The following PPP2R2D variants were observed in gnomAD, a reference collection of about 807,000 sequenced individuals.
PPP2R2D encodes the protein serine/threonine-protein phosphatase 2A 55 kDa regulatory subunit B delta isoform.
Under a neutral mutation model 31.1 loss-of-function variants are expected in PPP2R2D, and 9 were observed. That is an observed-to-expected ratio of 0.29 (90% CI 0.17 to 0.51). The LOEUF (loss-of-function observed/expected upper bound fraction) is 0.51, where lower values mean the gene tolerates loss of function less well. Ranked by LOEUF, PPP2R2D falls within the 20% of genes least tolerant of loss-of-function variation. The pLI, the probability that PPP2R2D is intolerant of heterozygous loss-of-function variation, is 0.98. For missense variants in PPP2R2D, 391 were observed against 465.6 expected (o/e 0.84, Z 1.48); for synonymous variants, 179 against 172.6 (o/e 1.04, Z -0.29).
intron 2 of PPP2R2D, among the ~76,000 whole-genome samples, chr10:131,911,158 G>A (rs1363909505): frequency 2.0e-5 from 3 of 152,170 alleles, no homozygotes; most frequent in African/African-American, 7.2e-5. Flanking sequence ...TCTCGAAGTG[G>A]GGGGCAGTCT....
the PPP2R2D span, chr10:131,970,574 T>C: frequency 6.4e-7 from 1 of 1,568,754 alleles, no homozygotes; most frequent in Non-Finnish European, 8.7e-7. The surrounding 1 kb of genome is among the most constrained non-coding windows in gnomAD (Gnocchi z 4.1). Flanking sequence ...TACGAATAAA[T>C]CACTGCAACC....
At chr10:131,950,200 G>A (rs182228084) in intron 8 of PPP2R2D, among the ~76,000 whole-genome samples, 1 of 152,308 alleles carries the variant, frequency 6.6e-6, no homozygotes, top group African/African-American at 2.4e-5. Flanking sequence ...GAAAACAAGA[G>A]ACACTAGGAA....
At chr10:131,938,721 G>T (rs782597057) in intron 3 of PPP2R2D, among the ~76,000 whole-genome samples, 5 of 152,246 alleles carry the variant, frequency 3.3e-5, no homozygotes, top group African/African-American at 7.2e-5. Context: ...GCACTGTGCG[G>T]TTGTCTGTGC....
chr10:131,904,071 G>T (rs1269581804), intron 2 of PPP2R2D, among the ~76,000 whole-genome samples: 2 of 152,186 alleles, frequency 1.3e-5, no homozygotes, highest in Non-Finnish European at 2.9e-5. Flanking sequence ...AGGCGTGGCA[G>T]GGCCGGCCTG....
chr10:131,928,708 A>G (rs1554895271), intron 2 of PPP2R2D, among the ~76,000 whole-genome samples: 1 of 152,174 alleles, frequency 6.6e-6, no homozygotes, highest in Non-Finnish European at 1.5e-5. Context: ...AGATCCAGAG[A>G]AGTAGAGAAG....
At chr10:131,964,666 GTTTT>G (rs60096905), downstream of PPP2R2D, among the ~76,000 whole-genome samples, 2 of 133,798 alleles carry the variant, frequency 1.5e-5, no homozygotes. Context: ...AGTTTACTAT[GTTTT>G]TTTTTTTTTT....
rs1201576473 is a variant in PPP2R2D, at chr10:131,947,222, C to T, written c.821-308C>T. 6.6e-6 allele frequency among the ~76,000 whole-genome samples: 1 copy of T among 152,182 alleles called. No individual in the cohort carries two copies. The highest frequency in any genetic ancestry group is 1.5e-5 in the Non-Finnish European group (1 of 68,042). ...ACATCAGGATGCCCCGAGGAGCTCC[C>T]ACAGATGGCAGTGCCCAGGACCTTG... On this transcript the variant is annotated intron_variant, in intron 7 of 8. Transcript: ENST00000455566. The surrounding 1 kb of genome is among the most constrained non-coding windows in gnomAD (Gnocchi z 4.3).
intron 8 of PPP2R2D, among the ~76,000 whole-genome samples, chr10:131,948,399 A>G (rs1225872806): frequency 3.9e-5 from 6 of 152,170 alleles, no homozygotes; most frequent in African/African-American, 1.2e-4. Context: ...GTCTTGCACC[A>G]TTTTTATATA....
chr10:131,929,302 G>C (rs1554895355), intron 2 of PPP2R2D, among the ~76,000 whole-genome samples: 1 of 152,228 alleles, frequency 6.6e-6, no homozygotes, highest in Non-Finnish European at 1.5e-5. Context: ...GCCATCGTGG[G>C]AACTGTGCTG....
At chr10:131,901,594 T>A (rs2035497585) in intron 2 of PPP2R2D, among the ~76,000 whole-genome samples, 1 of 152,122 alleles carries the variant, frequency 6.6e-6, no homozygotes, top group South Asian at 2.1e-4. Context: ...GGCCGGGTCC[T>A]CCGAACCCAG....
In PPP2R2D at chr10:131,945,414, C is replaced by T; in HGVS notation, c.775C>T (p.Leu259=). 6.2e-7 allele frequency: 1 copy of T among 1,614,172 alleles called. No individual in the cohort carries two copies. The highest frequency in any genetic ancestry group is 2.2e-5 in the East Asian group (1 of 44,888). Residue 259 remains leucine (L), a synonymous_variant, in exon 7 of 9, where the codon CTG becomes TTG. Transcript: ENST00000455566. This position sits in a 1 kb window ranked among gnomAD's most constrained non-coding sequence, Gnocchi z 4.8. ...VYSSSKGTIR[L]CDMRSSALCD... is the part of the protein sequence containing the mutation. ...CAGCAGTAGCAAAGGGACCATCCGC[C>T]TGTGTGACATGCGCTCCTCGGCCCT...
chr10:131,956,641 C>A lies in PPP2R2D; in HGVS notation c.*678C>A. On this transcript the variant is annotated 3_prime_UTR_variant, in exon 9 of 9. Transcript: ENST00000455566. ...AACTAACTGTTTGAGAAATGTGTGT[C>A]CTTCTTTGGCAGCGTGGGGGTATGT... The A allele has an allele frequency of 1.2e-6, 1 of 865,064 alleles. No homozygotes were observed. Among genetic ancestry groups the A allele is most frequent in the Non-Finnish European group, 1.4e-6 (1 of 720,328 alleles). The allele number at this position is 865,064 out of a possible 1,614,324, so 53.6% of individuals were successfully genotyped here.
chr10:131,952,299 T>C (rs2036660270), intron 8 of PPP2R2D, among the ~76,000 whole-genome samples: 1 of 96,260 alleles, frequency 1.0e-5, no homozygotes, highest in Non-Finnish European at 2.0e-5. Flanking sequence ...ACTGTCTTAG[T>C]GACTTGCGGG....
chr10:131,907,765 A>C (rs1246366061), intron 2 of PPP2R2D, among the ~76,000 whole-genome samples: 1 of 151,692 alleles, frequency 6.6e-6, no homozygotes, highest in Admixed American at 6.6e-5. Flanking sequence ...AAAAAGATTC[A>C]CAGACTCATC....
intron 2 of PPP2R2D, among the ~76,000 whole-genome samples, chr10:131,931,691 G>A (rs192327327): frequency 4.5e-3 from 693 of 152,346 alleles, no homozygotes; most frequent in African/African-American, 8.1e-3. Flanking sequence ...TCTGCAGGTC[G>A]TGGCTGTTGG....
At chr10:131,932,667 A>AAAAAAAAAAAAAAAAAAAAC (rs1564817986) in intron 2 of PPP2R2D, among the ~76,000 whole-genome samples, 1 of 133,152 alleles carries the variant, frequency 7.5e-6, no homozygotes, top group Non-Finnish European at 1.5e-5. Flanking sequence ...AAAAAAAAAA[A>AAAAAAAAAAAAAAAAAAAAC]ACACACAAAA....
chr10:131,944,155 C>T lies in PPP2R2D; in HGVS notation c.655+10C>T, dbSNP rs1373713956. ...ACAGATAGAAGCTTTAGTATCCTTC[C>T]TCAGAGGGACACTGGCGTCTTCCCG... On this transcript the variant is annotated intron_variant, in intron 6 of 8. Transcript: ENST00000455566. 1.2e-6 allele frequency: 2 copies of T among 1,602,830 alleles called. No individual in the cohort carries two copies. The highest frequency in any genetic ancestry group is 2.2e-5 in the South Asian group (2 of 89,222).
intron 2 of PPP2R2D, among the ~76,000 whole-genome samples, chr10:131,926,446 G>T (rs1265088657): frequency 2.0e-5 from 3 of 152,148 alleles, no homozygotes; most frequent in Non-Finnish European, 4.4e-5. Context: ...GGAGGCTGAG[G>T]CAGGAGGATC....
At chr10:131,951,459 C>T (rs2036634462) in intron 8 of PPP2R2D, among the ~76,000 whole-genome samples, 1 of 152,196 alleles carries the variant, frequency 6.6e-6, no homozygotes, top group African/African-American at 2.4e-5. Flanking sequence ...AAAGAAAATT[C>T]AGGAGGAATG....
Sources: gnomAD v4.1 joint callset for allele counts (sites outside exome capture counted in the v4.1 genomes callset) on GRCh38, gnomAD v4.1.1 for gene constraint, Gnocchi (gnomAD v3.1) non-coding constraint, MANE v1.5 for transcripts, NCBI Gene and HGNC (gene_info 2026-07-23, HGNC 2026-07-21) for gene names.